The following SYT9 variants were observed in gnomAD, a reference collection of about 807,000 sequenced individuals.
SYT9 encodes synaptotagmin-9.
Under a neutral mutation model 48.4 loss-of-function variants are expected in SYT9, and 22 were observed. The ratio of observed to expected loss-of-function variants is 0.45; its 90% CI spans 0.32 to 0.65. SYT9 has a LOEUF of 0.65. SYT9 is among the 30% of genes least tolerant of loss of function. The pLI, the probability that SYT9 is intolerant of heterozygous loss-of-function variation, is 0.03. For missense variants in SYT9, 577 were observed against 622.0 expected, an observed-to-expected ratio of 0.93 and a Z score of 0.77; for synonymous variants, 265 against 245.0, an observed-to-expected ratio of 1.08 and a Z score of -0.76.
At chr11:7,451,665 A>C (rs770698561) in intron 6 of SYT9, among the ~76,000 whole-genome samples, 3 of 152,204 alleles carry the variant, frequency 2.0e-5, no homozygotes, top group Non-Finnish European at 4.4e-5. Context: ...ATTTAGGCCC[A>C]GGAATTTTGT....
intron 3 of SYT9, among the ~76,000 whole-genome samples, chr11:7,356,035 G>T (rs1450098542): frequency 6.6e-6 from 1 of 152,184 alleles, no homozygotes; most frequent in African/African-American, 2.4e-5. Context: ...TTTCATTTGG[G>T]AATCAATCCT....
In SYT9 at chr11:7,313,744, C is replaced by G. The variant is rs1376647871; in HGVS notation, c.847C>G (p.Pro283Ala). 2.5e-6 allele frequency: 4 copies of G among 1,613,972 alleles called. No individual in the cohort carries two copies. Among genetic ancestry groups the G allele is most frequent in the Non-Finnish European group, 3.4e-6 (4 of 1,180,020 alleles). The change falls in exon 3 of 7, where the codon CCT becomes GCT. Residue 283 changes from proline (P) to alanine (A), a missense_variant. Physicochemically the swap from Pro to Ala is conservative, Grantham distance 27. Coordinates refer to ENST00000318881, the MANE Select transcript of SYT9 (RefSeq NM_175733.4). The stretch of plus-strand genomic sequence containing the variant: ...TAAAGTTCACAGAAAGACCCTGAAC[C>G]CTGTGTTTGATGAAGTGTTTTTATT... ...QTKVHRKTLNPVFDEVFLFPV... is the reference protein window; with the variant it reads ...QTKVHRKTLNAVFDEVFLFPV...
At chr11:7,276,164 T>A (rs1848388283) in intron 1 of SYT9, among the ~76,000 whole-genome samples, 1 of 152,204 alleles carries the variant, frequency 6.6e-6, no homozygotes, top group South Asian at 2.1e-4. Flanking sequence ...GGAGTTATAC[T>A]AGAAACTTCT....
intron 3 of SYT9, among the ~76,000 whole-genome samples, chr11:7,362,213 C>G (rs181821093): frequency 1.4e-5 from 2 of 147,474 alleles, no homozygotes; most frequent in African/African-American, 5.0e-5. Context: ...GGTGTGATCT[C>G]GGCTTACTGC....
intron 3 of SYT9, among the ~76,000 whole-genome samples, chr11:7,341,919 T>C (rs913645086): frequency 3.3e-5 from 5 of 152,014 alleles, no homozygotes; most frequent in African/African-American, 7.2e-5. Flanking sequence ...CTCACAATCA[T>C]GGTGGAAGGC....
rs546416153 is a variant in SYT9 at position 7,440,313 on chromosome 11, T to A, written c.1467+19678T>A. 16 of 152,342 alleles carry A rather than the reference T, an allele frequency of 1.1e-4. No homozygotes were observed. The East Asian group carries it at 3.1e-3, about 29-fold the overall frequency. 9.4% of individuals were successfully genotyped at this position (152,342 alleles called of 1,614,324 possible). A position where few individuals can be genotyped will look rare whatever the true frequency, so the allele number is the denominator to read the frequency against. On this transcript the variant is annotated intron_variant, in intron 6 of 6. Transcript: ENST00000318881. Reference sequence around the variant, plus strand: ...AAAATAACACAAATAGGCATGAGATTCATCCTACTGGGAGGAAGTCACCCT... The same window carrying A: ...AAAATAACACAAATAGGCATGAGATACATCCTACTGGGAGGAAGTCACCCT...
At chr11:7,293,810 G>A (rs528112089) in intron 1 of SYT9, among the ~76,000 whole-genome samples, 8 of 152,292 alleles carry the variant, frequency 5.3e-5, no homozygotes, top group Admixed American at 5.2e-4. Flanking sequence ...GTTGTGCCCT[G>A]TGCAACTTGC....
intron 6 of SYT9, chr11:7,457,062 G>A (rs1848160193): frequency 6.6e-6 from 1 of 152,142 alleles, no homozygotes; most frequent in Non-Finnish European, 1.5e-5. Flanking sequence ...GGCATTCAAG[G>A]TCCTCTGCGA....
chr11:7,451,522 C>G (rs897973070), intron 6 of SYT9, among the ~76,000 whole-genome samples: 2 of 152,164 alleles, frequency 1.3e-5, no homozygotes, highest in African/African-American at 4.8e-5. Flanking sequence ...AGGACTCACC[C>G]CTCTTCCCCC....
At position 7,257,263 on chromosome 11, in the gene SYT9, G is replaced by A. The variant is rs142614774; in HGVS notation, c.145+4932G>A. On this transcript the variant is annotated intron_variant, in intron 1 of 6. Transcript: ENST00000318881. Reference sequence around the variant, plus strand: ...GGAACCTTGACTGTTACCCTGTACAGCTAGTGCCCATATCAACTGATTCTT... The same window carrying A: ...GGAACCTTGACTGTTACCCTGTACAACTAGTGCCCATATCAACTGATTCTT... Among the ~76,000 whole-genome samples, 491 of 152,260 alleles carry A rather than the reference G, an allele frequency of 3.2e-3. 3 individuals are homozygous for A. Among genetic ancestry groups the A allele is most frequent in the African/African-American group, 0.012 (483 of 41,554 alleles).
intron 6 of SYT9, among the ~76,000 whole-genome samples, chr11:7,423,195 T>C (rs1037504449): frequency 2.0e-5 from 3 of 152,156 alleles, no homozygotes; most frequent in Non-Finnish European, 2.9e-5. Flanking sequence ...CTCTTCCCCG[T>C]TGCTTCCTGT....
chr11:7,318,829 T>A (rs1849286985), intron 3 of SYT9, among the ~76,000 whole-genome samples: 1 of 152,240 alleles, frequency 6.6e-6, no homozygotes, highest in Non-Finnish European at 1.5e-5. Context: ...ACACTGATCT[T>A]GATATAGTAC....
At chr11:7,348,630 A>G (rs146714965) in intron 3 of SYT9, among the ~76,000 whole-genome samples, 2 of 140,280 alleles carry the variant, frequency 1.4e-5, no homozygotes, top group East Asian at 2.1e-4. Context: ...AGCATTCTCA[A>G]TGCCTCAGGC....
intron 3 of SYT9, among the ~76,000 whole-genome samples, chr11:7,367,070 A>ATTTTTTT (rs1850260250): frequency 5.4e-5 from 5 of 91,836 alleles, no homozygotes; most frequent in African/African-American, 2.0e-4. Flanking sequence ...CCAGGAGACC[A>ATTTTTTT]TCTTTTTTTT....
At chr11:7,453,867 G>C in intron 6 of SYT9, 1 of 385,078 alleles carries the variant, frequency 2.6e-6, no homozygotes, top group Non-Finnish European at 3.5e-6. Context: ...GGCCGAAAGG[G>C]AGTCAGGCCA....
chr11:7,302,751 C>T (rs544503479), intron 1 of SYT9, among the ~76,000 whole-genome samples: 1 of 152,194 alleles, frequency 6.6e-6, no homozygotes, highest in Non-Finnish European at 1.5e-5. Flanking sequence ...TTCTAGTCCC[C>T]ATGAATATAT....
chr11:7,406,559 T>TATATAC (rs1554920659), intron 3 of SYT9, among the ~76,000 whole-genome samples: 5 of 146,680 alleles, frequency 3.4e-5, no homozygotes, highest in African/African-American at 1.3e-4. Flanking sequence ...TATATATATA[T>TATATAC]ATATATATAG....
rs1257881617 is a variant in SYT9 at position 7,467,957 on chromosome 11, A to G, written c.*1157A>G. On this transcript the variant is annotated 3_prime_UTR_variant, in exon 7 of 7. Transcript: ENST00000318881. ...AGCTTCCTTCCTGACCAAGTCTGCC[A>G]ACCAATGGCCAGCTATGCGCCTCAT... 3 of 261,022 alleles carry G rather than the reference A, an allele frequency of 1.1e-5. No individual in the cohort carries two copies. Among genetic ancestry groups the G allele is most frequent in the Non-Finnish European group, 2.2e-5 (3 of 139,446 alleles). 16.2% of individuals were successfully genotyped at this position (261,022 alleles called of 1,614,324 possible). A position where few individuals can be genotyped will look rare whatever the true frequency, so the allele number is the denominator to read the frequency against.
At position 7,336,981 on chromosome 11, in the gene SYT9, C is replaced by T. The variant is rs563779175; in HGVS notation, c.1044+23040C>T. 1.1e-4 allele frequency among the ~76,000 whole-genome samples: 17 copies of T among 152,170 alleles called. No individual in the cohort carries two copies. The South Asian group carries it at 2.7e-3, about 24-fold the overall frequency. ...TATTGATTCTTCTGATCCATGAGCA[C>T]GGAATGTTTTTCCATTTGTTTGTGT... On this transcript the variant is annotated intron_variant, in intron 3 of 6. Transcript: ENST00000318881.
Sources: allele counts gnomAD v4.1 joint callset (sites outside exome capture counted in the v4.1 genomes callset), GRCh38; gene constraint gnomAD v4.1.1; transcripts MANE v1.5; gene names NCBI Gene and HGNC (gene_info 2026-07-23, HGNC 2026-07-21).